Variants in FMNL3 observed in about 807,000 individuals in gnomAD.
FMNL3 encodes the protein formin-like protein 3.
FMNL3 carries 57 observed loss-of-function variants against 119.6 expected under a neutral mutation model. The observed-to-expected ratio is 0.48, with a 90% CI of 0.39 to 0.59. FMNL3 has a LOEUF of 0.59. FMNL3 is among the 20% of genes least tolerant of loss of function. The pLI is 0.00. For missense variants in FMNL3, 1,053 were observed against 1,323.5 expected, an observed-to-expected ratio of 0.80 and a Z score of 3.17; for synonymous variants, 491 against 507.3, an observed-to-expected ratio of 0.97 and a Z score of 0.43.
rs757158257 is a variant in FMNL3, at chr12:49,651,400, ACACCACAGAGGGTGCAG to A, written c.1637_1653del (p.Ala546ValfsTer11). 2 of 1,554,750 alleles carry A rather than the reference ACACCACAGAGGGTGCAG, an allele frequency of 1.3e-6. No homozygotes were observed. The highest frequency in any genetic ancestry group is 1.7e-6 in the Non-Finnish European group (2 of 1,143,620). On this transcript the variant is annotated frameshift_variant, in exon 15 of 26. Transcript: ENST00000335154. LOFTEE classifies it high-confidence loss of function. ...TACTCACCTGACAGGCCCACTGTCA[ACACCACAGAGGGTGCAG>A]CACCAGGGAGAGGTGGGGCTGGGGG...
chr12:49,697,113 A>T (rs546709412), intron 1 of FMNL3, among the ~76,000 whole-genome samples: 1 of 152,368 alleles, frequency 6.6e-6, no homozygotes, highest in African/African-American at 2.4e-5. Flanking sequence ...TACTGTTGAC[A>T]GATCTCTCAA....
At chr12:49,664,519 C>T (rs781459018) in intron 4 of FMNL3, among the ~76,000 whole-genome samples, 1 of 152,146 alleles carries the variant, frequency 6.6e-6, no homozygotes, top group Non-Finnish European at 1.5e-5. Flanking sequence ...GGGTTGCCAT[C>T]GGTGTCCTTC....
Position 49,643,092 on chromosome 12 carries a change from C to T in FMNL3, c.*2723G>A, listed in dbSNP as rs1185583897. The T allele has an allele frequency of 8.8e-6, 14 of 1,589,884 alleles. No individual in the cohort carries two copies. The highest frequency in any genetic ancestry group is 2.7e-5 in the African/African-American group (2 of 74,382). On this transcript the variant is annotated 3_prime_UTR_variant, in exon 26 of 26. Coordinates refer to ENST00000335154, the MANE Select transcript of FMNL3 (RefSeq NM_175736.5). ...AAATAAACACTTTGTTTTCCCCTTA[C>T]AATATCTCCCTTGGAGGGAAGTTTG...
In FMNL3 at chr12:49,644,270, C is replaced by T; in HGVS notation, c.*1545G>A. The T allele has an allele frequency of 6.7e-7, 1 of 1,486,510 alleles. No homozygotes were observed. Among genetic ancestry groups the T allele is most frequent in the Non-Finnish European group, 9.3e-7 (1 of 1,071,740 alleles). 92.1% of individuals were successfully genotyped at this position (1,486,510 alleles called of 1,614,324 possible). On this transcript the variant is annotated 3_prime_UTR_variant, in exon 26 of 26. Transcript: ENST00000335154. ...CACCCTCACCGTCTGCCTCAGACTTCTTCCTTAGTCTGGTCTGTGTCCACT... is the reference window on the plus strand; with the variant it reads ...CACCCTCACCGTCTGCCTCAGACTTTTTCCTTAGTCTGGTCTGTGTCCACT...
Position 49,641,677 on chromosome 12 carries a change from C to T in FMNL3, c.*4138G>A. ...TCAGCATTAATCAGCAGTTGGGAGACATCTCCCAACCCCTTCAGCTCTGTG... is the reference window on the plus strand; with the variant it reads ...TCAGCATTAATCAGCAGTTGGGAGATATCTCCCAACCCCTTCAGCTCTGTG... On this transcript the variant is annotated 3_prime_UTR_variant, in exon 26 of 26. Coordinates refer to ENST00000335154, the MANE Select transcript of FMNL3 (RefSeq NM_175736.5). The T allele has an allele frequency of 1.9e-6, 1 of 520,400 alleles. No homozygotes were observed. The highest frequency in any genetic ancestry group is 3.4e-6 in the Non-Finnish European group (1 of 293,942). 32.2% of individuals were successfully genotyped at this position (520,400 alleles called of 1,614,324 possible). A position where few individuals can be genotyped will look rare whatever the true frequency, so the allele number is the denominator to read the frequency against.
chr12:49,689,491 T>C (rs1944548586), intron 1 of FMNL3, among the ~76,000 whole-genome samples: 1 of 152,180 alleles, frequency 6.6e-6, no homozygotes, highest in East Asian at 1.9e-4. Flanking sequence ...GCCAGCACTT[T>C]GAGAAGCTGA....
At chr12:49,693,161 C>T (rs181665487) in intron 1 of FMNL3, among the ~76,000 whole-genome samples, 87 of 152,160 alleles carry the variant, frequency 5.7e-4, no homozygotes, top group East Asian at 9.6e-4. Flanking sequence ...GGGAATGATG[C>T]TATTTAATTT....
rs778261329 is a variant in FMNL3 at position 49,651,400 on chromosome 12, A to G, written c.1654T>C (p.Leu552=). 2 of 1,554,750 alleles carry G rather than the reference A, an allele frequency of 1.3e-6. No homozygotes were observed. Among genetic ancestry groups the G allele is most frequent in the South Asian group, 2.4e-5 (2 of 82,798 alleles). Residue 552 remains leucine (L), a synonymous_variant, in exon 15 of 26, where the codon TTG becomes CTG. Transcript: ENST00000335154. ...TACTCACCTGACAGGCCCACTGTCA[A>G]CACCACAGAGGGTGCAGCACCAGGG... ...PLPGAAPSVV[L]TVGLSAIRIK...
intron 6 of FMNL3, among the ~76,000 whole-genome samples, chr12:49,658,203 G>C (rs1197711930): frequency 6.6e-6 from 1 of 152,170 alleles, no homozygotes; most frequent in Non-Finnish European, 1.5e-5. Flanking sequence ...GGAATGGGGA[G>C]AGCTGGAACC....
At chr12:49,651,553 A>C in intron 14 of FMNL3, 103 bp from the exon 15 acceptor site, 3 of 1,027,498 alleles carry the variant, frequency 2.9e-6, no homozygotes, top group Non-Finnish European at 3.9e-6. Flanking sequence ...TAAAAAAAAA[A>C]AAAACTCTCA....
intron 1 of FMNL3, among the ~76,000 whole-genome samples, chr12:49,706,072 T>G (rs1445904442): frequency 6.6e-6 from 1 of 152,202 alleles, no homozygotes; most frequent in Non-Finnish European, 1.5e-5. Context: ...GTGAGAACTA[T>G]TTCCCCAAAT....
In FMNL3 at chr12:49,641,426, G is replaced by T. The variant is rs939473763; in HGVS notation, c.*4389C>A. The stretch of plus-strand genomic sequence containing the variant: ...GGTTTCTCCTTCTGTGTAAAATTAG[G>T]ATACTAGGACCTATTCTTAAATGTA... On this transcript the variant is annotated 3_prime_UTR_variant, in exon 26 of 26. Transcript: ENST00000335154. The T allele has an allele frequency of 6.5e-6, 1 of 153,434 alleles. No individual in the cohort carries two copies. The highest frequency in any genetic ancestry group is 2.4e-5 in the African/African-American group (1 of 41,446). 9.5% of individuals were successfully genotyped at this position (153,434 alleles called of 1,614,324 possible).
Position 49,641,734 on chromosome 12 carries a change from T to C in FMNL3, c.*4081A>G. On this transcript the variant is annotated 3_prime_UTR_variant, in exon 26 of 26. Transcript: ENST00000335154. ...CCAAACCAAGGGTAGGCATGGGGGC[T>C]TAATTGTCAAGTGATGAGGACTTGG... is the stretch of plus-strand genomic sequence containing the variant. 1 of 600,266 alleles carries C rather than the reference T, an allele frequency of 1.7e-6. No individual in the cohort carries two copies. The highest frequency in any genetic ancestry group is 3.0e-6 in the Non-Finnish European group (1 of 337,760). 37.2% of individuals were successfully genotyped at this position (600,266 alleles called of 1,614,324 possible).
intron 1 of FMNL3, among the ~76,000 whole-genome samples, chr12:49,697,097 G>C (rs2336058): frequency 0.21 from 31,928 of 152,142 alleles, 5,527 homozygotes; most frequent in African/African-American, 0.48. Flanking sequence ...CCAAAAGATT[G>C]AGAACTACTG....
At chr12:49,672,427 C>T (rs1212576532) in intron 1 of FMNL3, among the ~76,000 whole-genome samples, 1 of 152,318 alleles carries the variant, frequency 6.6e-6, no homozygotes, top group Non-Finnish European at 1.5e-5. Context: ...ATTCCTAAAT[C>T]ACAGGGAACC....
Position 49,639,041 on chromosome 12 carries a change from C to T in FMNL3, c.*6774G>A, listed in dbSNP as rs1413369491. 1 of 152,338 alleles carries T rather than the reference C, an allele frequency of 6.6e-6. No homozygotes were observed. The highest frequency in any genetic ancestry group is 1.5e-5 in the Non-Finnish European group (1 of 68,024). The allele number at this position is 152,338 out of a possible 1,614,324, so 9.4% of individuals were successfully genotyped here. On this transcript the variant is annotated 3_prime_UTR_variant, in exon 26 of 26. Transcript: ENST00000335154. The stretch of plus-strand genomic sequence containing the variant: ...GTATCATACTGTCCTGAGGTATCCT[C>T]TCTTTCTCTGGAACCACATGCCCCA...
Position 49,651,273 on chromosome 12 carries a change from A to T in FMNL3, c.1692T>A (p.Pro564=). 6.2e-7 allele frequency: 1 copy of T among 1,612,540 alleles called. No individual in the cohort carries two copies. Residue 564 remains proline, a synonymous_variant, in exon 16 of 26, where the codon CCT becomes CCA. Transcript: ENST00000335154. ...CAGGCAGCCGGAACTTGGTCTTGAT[A>T]GGTTTCTTAATTCGAATGGCTAATT... ...VGLSAIRIKK[P]IKTKFRLPVF...
At chr12:49,669,960 C>T (rs1278178674) in intron 1 of FMNL3, among the ~76,000 whole-genome samples, 1 of 152,262 alleles carries the variant, frequency 6.6e-6, no homozygotes, top group South Asian at 2.1e-4. Context: ...CAAATATGAT[C>T]GCCTACCCAA....
Position 49,650,726 on chromosome 12 carries a change from G to T in FMNL3, c.1950C>A (p.Thr650=), listed in dbSNP as rs776037245. Residue 650 remains threonine (T), a synonymous_variant, in exon 17 of 26, where the codon ACC becomes ACA. Transcript: ENST00000335154. ...EANRAKNLAI[T]LRKAGRSAEE... ...CAGCCGAGCGGCCAGCCTTGCGTAG[G>T]GTGATGGCCAGGTTCTTGGCACGAT... is the stretch of plus-strand genomic sequence containing the variant. The T allele has an allele frequency of 2.5e-6, 4 of 1,614,018 alleles. No homozygotes were observed. The East Asian group carries it at 8.9e-5, about 36-fold the overall frequency.
Sources: allele counts gnomAD v4.1 joint callset (sites outside exome capture counted in the v4.1 genomes callset), GRCh38; gene constraint gnomAD v4.1.1; transcripts MANE v1.5; gene names NCBI Gene and HGNC (gene_info 2026-07-23, HGNC 2026-07-21).